LYRM4: variants seen among roughly 807,000 people sequenced by gnomAD.
LYRM4 encodes LYR motif containing 4, also known as LYR motif-containing protein 4.
Under a neutral mutation model 11.7 loss-of-function variants are expected in LYRM4, and 9 were observed. The ratio of observed to expected loss-of-function variants is 0.77; its 90% CI spans 0.46 to 1.34. The LOEUF is 1.34. LYRM4 is among the 40% of genes most tolerant of loss of function. The pLI is 0.00. For missense variants in LYRM4, 133 were observed against 112.5 expected (o/e 1.18, Z -0.82); for synonymous variants, 42 against 40.4 (o/e 1.04, Z -0.15).
intron 2 of LYRM4, among the ~76,000 whole-genome samples, chr6:5,132,364 G>T (rs1442158113): frequency 6.6e-6 from 1 of 152,128 alleles, no homozygotes; most frequent in East Asian, 1.9e-4. Context: ...GAATTATGGA[G>T]CTGAGATACT....
the LYRM4 span, chr6:5,086,390 TCTC>T: frequency 3.3e-6 from 5 of 1,536,032 alleles, no homozygotes; most frequent in Non-Finnish European, 4.4e-6. Flanking sequence ...TGCTTCCACT[TCTC>T]GCTGTGCCTG....
chr6:5,197,490 G>A (rs1761130302), intron 2 of LYRM4, among the ~76,000 whole-genome samples: 1 of 151,988 alleles, frequency 6.6e-6, no homozygotes, highest in Admixed American at 6.6e-5. Flanking sequence ...TGGCCAAGAT[G>A]GTGAAACCCC....
chr6:5,180,519 TCAC>T (rs1760007086), intron 2 of LYRM4, among the ~76,000 whole-genome samples: 1 of 152,200 alleles, frequency 6.6e-6, no homozygotes, highest in Non-Finnish European at 1.5e-5. Flanking sequence ...AGCTTGGATC[TCAC>T]CACCATTTAG....
the LYRM4 span, among the ~76,000 whole-genome samples, chr6:5,050,550 C>G: frequency 7.9e-5 from 12 of 152,248 alleles, no homozygotes; most frequent in Non-Finnish European, 1.0e-4. Flanking sequence ...TTTATTTTTC[C>G]TTTATTACCC....
the LYRM4 span, among the ~76,000 whole-genome samples, chr6:5,050,661 A>C: frequency 6.6e-5 from 10 of 152,270 alleles, no homozygotes; most frequent in East Asian, 1.5e-3. Context: ...GTGCAGGCTC[A>C]AAAAAAGATC....
At chr6:5,040,602 C>G in the LYRM4 span, among the ~76,000 whole-genome samples, 1 of 151,486 alleles carries the variant, frequency 6.6e-6, no homozygotes, top group South Asian at 2.1e-4. Context: ...CTATAGAAAA[C>G]AATAATCTAT....
At chr6:5,210,766 G>T (rs1761951217) in intron 2 of LYRM4, among the ~76,000 whole-genome samples, 1 of 152,104 alleles carries the variant, frequency 6.6e-6, no homozygotes. Context: ...GAATCATACA[G>T]TATCTTTTTG....
chr6:5,215,527 G>C (rs910148619), intron 2 of LYRM4, among the ~76,000 whole-genome samples: 1 of 152,198 alleles, frequency 6.6e-6, no homozygotes, highest in Non-Finnish European at 1.5e-5. Flanking sequence ...CTCAAGGATG[G>C]TTAGGAGAAT....
chr6:5,143,425 T>C (rs1224790958), intron 2 of LYRM4, among the ~76,000 whole-genome samples: 1 of 152,180 alleles, frequency 6.6e-6, no homozygotes, highest in Non-Finnish European at 1.5e-5. Flanking sequence ...CTTAGCGTAA[T>C]ATATTGGTGA....
chr6:5,087,958 G>A, the LYRM4 span: 17 of 152,300 alleles, frequency 1.1e-4, no homozygotes, highest in African/African-American at 4.1e-4. Context: ...TCTAAGGAGG[G>A]ACAGTTTCAC....
intron 2 of LYRM4, among the ~76,000 whole-genome samples, chr6:5,195,785 G>T (rs1326845853): frequency 6.6e-6 from 1 of 152,290 alleles, no homozygotes; most frequent in Admixed American, 6.5e-5. Context: ...CTATTCACCT[G>T]AGGCACATAG....
rs548247742 is a variant in LYRM4 at position 5,205,728 on chromosome 6, T to A, written c.207+10890A>T. On this transcript the variant is annotated intron_variant, in intron 2 of 2. Coordinates refer to ENST00000330636, the MANE Select transcript of LYRM4 (RefSeq NM_020408.6). Reference sequence around the variant, plus strand: ...TGGTTCAAAGCAAGAGGAAAATTTATTTTTGCTATTTTTACCAGCTCCCCC... The same window carrying A: ...TGGTTCAAAGCAAGAGGAAAATTTAATTTTGCTATTTTTACCAGCTCCCCC... Among the ~76,000 whole-genome samples the A allele has an allele frequency of 3.3e-5, 5 of 152,322 alleles. No individual in the cohort carries two copies. The South Asian group carries it at 1.0e-3, about 32-fold the overall frequency.
intron 2 of LYRM4, among the ~76,000 whole-genome samples, chr6:5,184,949 C>T (rs79398552): frequency 0.012 from 1,790 of 152,302 alleles, 33 homozygotes; most frequent in African/African-American, 0.04. Context: ...GGGTCAGGGT[C>T]GCACGAGGTT....
At chr6:5,226,620 G>A (rs563172442) in intron 1 of LYRM4, among the ~76,000 whole-genome samples, 6 of 152,072 alleles carry the variant, frequency 3.9e-5, no homozygotes, top group Middle Eastern at 3.4e-3. Flanking sequence ...CAGGTGATCC[G>A]CCCGCCTCAG....
chr6:5,084,041 G>T, the LYRM4 span, among the ~76,000 whole-genome samples: 1 of 152,272 alleles, frequency 6.6e-6, no homozygotes, highest in Middle Eastern at 3.4e-3. Context: ...AGGCTGAGGC[G>T]GGAGGACTGC....
At chr6:5,098,452 C>T in the LYRM4 span, among the ~76,000 whole-genome samples, 1 of 152,216 alleles carries the variant, frequency 6.6e-6, no homozygotes, top group African/African-American at 2.4e-5. Context: ...CATGAGCAAA[C>T]CCATTTACAC....
At chr6:5,174,099 TCA>T (rs1338120042) in intron 2 of LYRM4, among the ~76,000 whole-genome samples, 2 of 152,214 alleles carry the variant, frequency 1.3e-5, no homozygotes, top group Non-Finnish European at 2.9e-5. Context: ...CTTCGCTCTC[TCA>T]GTTCTCTTTT....
intron 2 of LYRM4, among the ~76,000 whole-genome samples, chr6:5,157,028 C>T (rs989887001): frequency 6.6e-6 from 1 of 152,090 alleles, no homozygotes; most frequent in African/African-American, 2.4e-5. Flanking sequence ...AATGCTAAGC[C>T]CACTTTCCAG....
chr6:5,036,839 G>A, the LYRM4 span, among the ~76,000 whole-genome samples: 80 of 152,224 alleles, frequency 5.3e-4, 1 homozygote, highest in African/African-American at 1.8e-3. Flanking sequence ...CACGGGATAC[G>A]CTCAAGTTAT....
Sources: allele counts gnomAD v4.1 joint callset (sites outside exome capture counted in the v4.1 genomes callset), GRCh38; gene constraint gnomAD v4.1.1; transcripts MANE v1.5; gene names NCBI Gene and HGNC (gene_info 2026-07-23, HGNC 2026-07-21).